The following SUPT20H variants were observed in gnomAD, a reference collection of about 807,000 sequenced individuals.
SUPT20H encodes the protein SPT20 homolog, SAGA complex component, also known as transcription factor SPT20 homolog.
Under a neutral mutation model 122.8 loss-of-function variants are expected in SUPT20H, and 82 were observed. The ratio of observed to expected loss-of-function variants is 0.67; its 90% CI spans 0.56 to 0.80. The LOEUF (loss-of-function observed/expected upper bound fraction) is 0.80. Ranked by LOEUF, SUPT20H falls within the 30% of genes least tolerant of loss-of-function variation. SUPT20H has a pLI of 0.00. For missense variants in SUPT20H, 831 were observed against 921.6 expected, an observed-to-expected ratio of 0.90 and a Z score of 1.27; for synonymous variants, 291 against 313.0, an observed-to-expected ratio of 0.93 and a Z score of 0.74.
At chr13:37,053,454 A>G (rs949976496) in intron 1 of SUPT20H, among the ~76,000 whole-genome samples, 9 of 152,022 alleles carry the variant, frequency 5.9e-5, no homozygotes, top group African/African-American at 1.4e-4. Flanking sequence ...GCTTTCACTC[A>G]TAAGTGGGAG....
At chr13:37,027,748 C>T (rs1566195688) in intron 14 of SUPT20H, among the ~76,000 whole-genome samples, 1 of 152,078 alleles carries the variant, frequency 6.6e-6, no homozygotes, top group Non-Finnish European at 1.5e-5. Flanking sequence ...AGCATTGAGT[C>T]TGTGTCCTTA....
intron 9 of SUPT20H, among the ~76,000 whole-genome samples, chr13:37,034,085 C>A (rs2063907994): frequency 6.6e-6 from 1 of 152,222 alleles, no homozygotes; most frequent in Non-Finnish European, 1.5e-5. Flanking sequence ...CTATCTTTCT[C>A]CTTCTTCTCA....
chr13:37,031,868 A>C lies in SUPT20H; in HGVS notation c.735T>G (p.Ser245=). The part of the protein sequence containing the change: ...KRCFKRYSRS[S]LNRQQDLSHC... ...GAGATAGATCTTGCTGCCGATTCAG[A>C]GAGGATCTGGAATACCTCTTGAAAC... The change falls in exon 11 of 26, where the codon TCT becomes TCG. Residue 245 remains serine (S), a synonymous_variant. Coordinates refer to ENST00000350612, the MANE Select transcript of SUPT20H (RefSeq NM_001014286.3). 1 of 1,601,842 alleles carries C rather than the reference A, an allele frequency of 6.2e-7. No individual in the cohort carries two copies. Among genetic ancestry groups the C allele is most frequent in the Non-Finnish European group, 8.5e-7 (1 of 1,176,406 alleles).
Position 37,009,504 on chromosome 13 carries a change from C to T in SUPT20H, c.*168G>A. ...GCAAACCAACCCTAGTTTGTTAAAC[C>T]ATTTCCCTGTTTTTATTTAAAAATG... On this transcript the variant is annotated 3_prime_UTR_variant, in exon 26 of 26. Transcript: ENST00000350612. 1 of 940,940 alleles carries T rather than the reference C, an allele frequency of 1.1e-6. No homozygotes were observed. The highest frequency in any genetic ancestry group is 1.6e-6 in the Non-Finnish European group (1 of 622,544). 58.3% of individuals were successfully genotyped at this position (940,940 alleles called of 1,614,324 possible).
chr13:37,033,817 G>A (rs913912816), intron 9 of SUPT20H, among the ~76,000 whole-genome samples: 7 of 152,118 alleles, frequency 4.6e-5, no homozygotes, highest in African/African-American at 1.7e-4. Flanking sequence ...ATTGTGGTTC[G>A]CAAATATTGC....
intron 1 of SUPT20H, among the ~76,000 whole-genome samples, chr13:37,055,989 T>A (rs576314622): frequency 5.3e-5 from 8 of 152,338 alleles, no homozygotes; most frequent in African/African-American, 1.9e-4. Context: ...AAAGAAGACA[T>A]TTATACAGCC....
intron 14 of SUPT20H, 88 bp downstream of exon 14, chr13:37,028,060 A>G (rs114161184): frequency 8.1e-7 from 1 of 1,239,332 alleles, no homozygotes; most frequent in African/African-American, 1.5e-5. Flanking sequence ...AGAAATTTTT[A>G]TTCATTAATG....
At chr13:37,054,005 C>T (rs2068348526) in intron 1 of SUPT20H, among the ~76,000 whole-genome samples, 1 of 152,210 alleles carries the variant, frequency 6.6e-6, no homozygotes, top group Non-Finnish European at 1.5e-5. Context: ...CGCAAATAAA[C>T]TTGAAAATCT....
chr13:37,051,339 T>C (rs778081920), intron 2 of SUPT20H, 149 bp downstream of exon 2: 16 of 656,980 alleles, frequency 2.4e-5, no homozygotes, highest in Non-Finnish European at 3.8e-5. Context: ...GAGAAGACTT[T>C]GCAATGGGAT....
Position 37,026,214 on chromosome 13 carries a change from C to T in SUPT20H, c.1201G>A (p.Asp401Asn), listed in dbSNP as rs772832013. The change falls in exon 16 of 26, where the codon GAT becomes AAT. Residue 401 changes from aspartate to asparagine, a missense_variant. Physicochemically the swap from Asp to Asn is conservative, Grantham distance 23. Transcript: ENST00000350612. ...SNWFIIGSKT[D>N]AERVVNQYQE... Reference sequence around the variant, plus strand: ...TGCAAATATTTTTACCTCTCAGCATCGGTCTTTGATCCAATAATGAACCTA... The same window carrying T: ...TGCAAATATTTTTACCTCTCAGCATTGGTCTTTGATCCAATAATGAACCTA... 9.1e-6 allele frequency: 14 copies of T among 1,545,106 alleles called. No individual in the cohort carries two copies. The highest frequency in any genetic ancestry group is 4.6e-5 in the Admixed American group (2 of 43,638).
chr13:37,016,599 C>A (rs145263065), intron 23 of SUPT20H, among the ~76,000 whole-genome samples: 1,950 of 152,130 alleles, frequency 0.013, 18 homozygotes, highest in Non-Finnish European at 0.019. Flanking sequence ...AGAGGATGAG[C>A]TTTATCCAAC....
intron 3 of SUPT20H, 136 bp downstream of exon 3, chr13:37,048,428 A>T: frequency 1.7e-6 from 1 of 589,922 alleles, no homozygotes; most frequent in Non-Finnish European, 2.8e-6. Flanking sequence ...TTATATATTT[A>T]CAGCAAAATG....
Position 37,045,367 on chromosome 13 carries a change from TTAA to T in SUPT20H, c.169_171del (p.Leu57del). 1 of 1,613,290 alleles carries T rather than the reference TTAA, an allele frequency of 6.2e-7. No homozygotes were observed. The highest frequency in any genetic ancestry group is 8.5e-7 in the Non-Finnish European group (1 of 1,179,560). Reference sequence around the variant, plus strand: ...TTCTCTAACAAGTTCACATTTCTTCTTAATTTCTGCTTTAAAAAGAGGCAGAGC... The same window carrying T: ...TTCTCTAACAAGTTCACATTTCTTCTTTTCTGCTTTAAAAAGAGGCAGAGC... On this transcript the variant is annotated inframe_deletion, in exon 6 of 26. Coordinates refer to ENST00000350612, the MANE Select transcript of SUPT20H (RefSeq NM_001014286.3).
chr13:37,027,386 T>C (rs2139758651), intron 14 of SUPT20H, among the ~76,000 whole-genome samples: 1 of 152,240 alleles, frequency 6.6e-6, no homozygotes, highest in African/African-American at 2.4e-5. Flanking sequence ...AAACTGGTCA[T>C]GTGAAAAAAC....
rs899933770 is a variant in SUPT20H at position 37,022,696 on chromosome 13, T to C, written c.1592-616A>G. On this transcript the variant is annotated intron_variant, in intron 19 of 25. Transcript: ENST00000350612. This position sits in a 1 kb window ranked among gnomAD's most constrained non-coding sequence, Gnocchi z 4.5. ...TAATTCAAGACTTCATTTAAAAATA[T>C]TGCTTATTTAGTGTAAAAGTCTGAG... is the stretch of plus-strand genomic sequence containing the variant. The C allele has an allele frequency of 1.5e-5, 15 of 991,500 alleles. No individual in the cohort carries two copies. The highest frequency in any genetic ancestry group is 1.4e-4 in the African/African-American group (8 of 57,576). 61.4% of individuals were successfully genotyped at this position (991,500 alleles called of 1,614,324 possible).
Position 37,019,381 on chromosome 13 carries a change from T to G in SUPT20H, c.1833A>C (p.Leu611Phe). ...AGGGCCTGAGACTTGAAGTATTTTT[T>G]AAACCAAATGGAACACCTGTTAAAT... is the stretch of plus-strand genomic sequence containing the variant. Reference protein sequence around the residue: ...AASQAGVPFGLKNTSSLRPLN... With the variant: ...AASQAGVPFGFKNTSSLRPLN... The change falls in exon 22 of 26, where the codon TTA (leucine) becomes TTC (phenylalanine). Residue 611 changes from leucine to phenylalanine, a missense_variant. Leu to Phe is a conservative substitution (Grantham distance 22, BLOSUM62 0). Coordinates refer to ENST00000350612, the MANE Select transcript of SUPT20H (RefSeq NM_001014286.3). The G allele has an allele frequency of 6.2e-7, 1 of 1,604,408 alleles. No homozygotes were observed. The highest frequency in any genetic ancestry group is 8.5e-7 in the Non-Finnish European group (1 of 1,176,148).
Position 37,047,533 on chromosome 13 carries a change from AC to A in SUPT20H, c.165+1del. ...TACAACATAATAAAAATGTATACTT[AC>A]CTTAACTTCAGGTTCTTTTTCACAT... On this transcript the variant is annotated splice_donor_variant, in intron 5 of 25. Transcript: ENST00000350612. LOFTEE classifies it high-confidence loss of function. The A allele has an allele frequency of 6.9e-7, 1 of 1,444,288 alleles. No individual in the cohort carries two copies. The highest frequency in any genetic ancestry group is 9.2e-7 in the Non-Finnish European group (1 of 1,084,012). 89.5% of individuals were successfully genotyped at this position (1,444,288 alleles called of 1,614,324 possible).
Position 37,054,404 on chromosome 13 carries a change from A to G in SUPT20H, c.-93-2821T>C, listed in dbSNP as rs187288330. 2.2e-3 allele frequency among the ~76,000 whole-genome samples: 330 copies of G among 152,340 alleles called. 3 individuals are homozygous for G. Among genetic ancestry groups the G allele is most frequent in the Middle Eastern group, 6.8e-3 (2 of 294 alleles). ...GGCAAATCGAATCCAGCAGCACATC[A>G]AAAAGCTTATCCACCATGATCAAGT... On this transcript the variant is annotated intron_variant, in intron 1 of 25. Transcript: ENST00000350612.
At chr13:37,049,661 C>T (rs888093149) in intron 2 of SUPT20H, among the ~76,000 whole-genome samples, 1 of 152,108 alleles carries the variant, frequency 6.6e-6, no homozygotes, top group Admixed American at 6.5e-5. Flanking sequence ...ATCACTTGAA[C>T]CCGGGAGGCA....
Sources: allele counts gnomAD v4.1 joint callset (sites outside exome capture counted in the v4.1 genomes callset), GRCh38; gene constraint gnomAD v4.1.1; non-coding constraint Gnocchi (gnomAD v3.1); transcripts MANE v1.5; gene names NCBI Gene and HGNC (gene_info 2026-07-23, HGNC 2026-07-21).